Variants in OSBP2 observed in about 807,000 individuals in gnomAD.
OSBP2 encodes the protein oxysterol binding protein 2.
Under a neutral mutation model 96.0 loss-of-function variants are expected in OSBP2, and 66 were observed. The ratio of observed to expected loss-of-function variants is 0.69; its 90% confidence interval spans 0.56 to 0.84. The LOEUF (loss-of-function observed/expected upper bound fraction) is 0.84. OSBP2 is among the 40% of genes least tolerant of loss of function. OSBP2 has a pLI of 0.00. For synonymous variants in OSBP2, 525 were observed against 520.9 expected (o/e 1.01, Z -0.11); for missense variants, 1,038 against 1,222.7 (o/e 0.85, Z 2.25).
At chr22:30,741,087 G>T (rs1209639465) in intron 1 of OSBP2, 74 bp from the exon 2 acceptor site, 4 of 1,181,642 alleles carry the variant, frequency 3.4e-6, no homozygotes, top group African/African-American at 3.0e-5. Context: ...CTGAGGATTT[G>T]CCTGGAGGGT....
intron 4 of OSBP2, 42 bp from the exon 5 acceptor site, chr22:30,888,181 C>T (rs753132023): frequency 2.2e-6 from 3 of 1,358,912 alleles, no homozygotes; most frequent in Non-Finnish European, 3.2e-6. Flanking sequence ...GAGATTGAGC[C>T]TTTTGTGAGG....
chr22:30,761,834 T>C (rs1472052721), intron 2 of OSBP2, among the ~76,000 whole-genome samples: 1 of 152,204 alleles, frequency 6.6e-6, no homozygotes, highest in Non-Finnish European at 1.5e-5. Flanking sequence ...AACAATTTAA[T>C]TGAGAAAGGT....
chr22:30,752,426 G>A (rs1018826923), intron 2 of OSBP2, among the ~76,000 whole-genome samples: 6 of 149,482 alleles, frequency 4.0e-5, no homozygotes, highest in African/African-American at 1.5e-4. Flanking sequence ...AGCTTCCCGA[G>A]TAGCTGGGAC....
chr22:30,708,130 C>A lies in OSBP2; in HGVS notation c.644+12577C>A, dbSNP rs150487842. Among the ~76,000 whole-genome samples, 2,223 of 152,172 alleles carry A rather than the reference C, an allele frequency of 0.015. 192 individuals carry two copies. In the East Asian group the frequency reaches 0.26, roughly 18 times the overall value. On this transcript the variant is annotated intron_variant, in intron 1 of 13. Transcript: ENST00000332585. ...CTCGAACTCCTGACCTCAGGTGATC[C>A]ACCTGCCTCAGCCTCCCAAAATGCT...
At chr22:30,744,522 TAC>T (rs2089975702) in intron 2 of OSBP2, among the ~76,000 whole-genome samples, 1 of 152,108 alleles carries the variant, frequency 6.6e-6, no homozygotes, top group South Asian at 2.1e-4. Context: ...CTAATCCAAG[TAC>T]AATCCCCTCC....
chr22:30,877,566 A>T (rs1408848993), intron 3 of OSBP2, among the ~76,000 whole-genome samples: 2 of 152,180 alleles, frequency 1.3e-5, no homozygotes, highest in African/African-American at 4.8e-5. Context: ...GAGTGTTAGC[A>T]TCCATAAAGT....
intron 2 of OSBP2, among the ~76,000 whole-genome samples, chr22:30,797,755 C>T (rs978316568): frequency 1.3e-5 from 2 of 152,068 alleles, no homozygotes; most frequent in Admixed American, 1.3e-4. Flanking sequence ...CCATGCCTGG[C>T]TAATCTTTGT....
At position 30,870,587 on chromosome 22, in the gene OSBP2, G is replaced by A. The variant is rs202094165; in HGVS notation, c.1012G>A (p.Asp338Asn). Residue 338 changes from aspartate (D) to asparagine (N), a missense_variant, in exon 3 of 14, where the codon GAC becomes AAC. Coordinates refer to ENST00000332585, the MANE Select transcript of OSBP2 (RefSeq NM_030758.4). This position sits in a 1 kb window ranked among gnomAD's most constrained non-coding sequence, Gnocchi z 4.1. ...AALQRSLTEL[D>N]GLKIPSESGE... The stretch of plus-strand genomic sequence containing the variant: ...ACTCCAGCGCTCCCTGACAGAGCTG[G>A]ACGGCCTCAAGATCCCATCTGAGAG... The A allele has an allele frequency of 4.2e-5, 68 of 1,614,020 alleles. No individual in the cohort carries two copies. Among genetic ancestry groups the A allele is most frequent in the Admixed American group, 4.0e-4 (24 of 60,022 alleles).
intron 2 of OSBP2, chr22:30,842,768 C>T (rs1312561625): frequency 6.6e-6 from 1 of 151,216 alleles, no homozygotes; most frequent in African/African-American, 2.4e-5. Flanking sequence ...CAATTCAGTT[C>T]GTTCTTTCTT....
chr22:30,872,249 A>T (rs2039473943), intron 3 of OSBP2: 1 of 456,656 alleles, frequency 2.2e-6, no homozygotes. Flanking sequence ...CCAGGGACAC[A>T]CACAAATGTG....
chr22:30,749,130 CAAAA>C (rs2090042625), intron 2 of OSBP2, among the ~76,000 whole-genome samples: 1 of 152,096 alleles, frequency 6.6e-6, no homozygotes, highest in Non-Finnish European at 1.5e-5. Flanking sequence ...AACAAACAAA[CAAAA>C]AAGAATCGTG....
chr22:30,714,390 A>C (rs2089410701), intron 1 of OSBP2, among the ~76,000 whole-genome samples: 1 of 150,932 alleles, frequency 6.6e-6, no homozygotes. Context: ...TCTCTTCAAC[A>C]CACTGATTTT....
At chr22:30,736,278 A>G (rs1190567861) in intron 1 of OSBP2, among the ~76,000 whole-genome samples, 1 of 152,162 alleles carries the variant, frequency 6.6e-6, no homozygotes. Context: ...TTTTCTTCAC[A>G]GGTTTTGAAT....
intron 2 of OSBP2, among the ~76,000 whole-genome samples, chr22:30,754,402 C>A (rs2045076204): frequency 6.6e-6 from 1 of 152,202 alleles, no homozygotes; most frequent in African/African-American, 2.4e-5. Flanking sequence ...GTCCTGGGGG[C>A]TGAGCCAGAT....
At chr22:30,746,734 C>T (rs563176730) in intron 2 of OSBP2, among the ~76,000 whole-genome samples, 10 of 152,110 alleles carry the variant, frequency 6.6e-5, no homozygotes, top group South Asian at 4.2e-4. Flanking sequence ...TCAGATGATC[C>T]GCCTGCCTTG....
intron 1 of OSBP2, 66 bp from the exon 2 acceptor site, chr22:30,741,095 G>T: frequency 7.9e-7 from 1 of 1,258,360 alleles, no homozygotes; most frequent in Non-Finnish European, 1.1e-6. Context: ...TTGCCTGGAG[G>T]GTTTCTTTAG....
At chr22:30,815,437 C>G (rs1388117313) in intron 2 of OSBP2, among the ~76,000 whole-genome samples, 1 of 152,200 alleles carries the variant, frequency 6.6e-6, no homozygotes, top group Non-Finnish European at 1.5e-5. Flanking sequence ...TTCCTCTGTC[C>G]TCTTGGGAAA....
chr22:30,756,105 G>A (rs1293279486), intron 2 of OSBP2, among the ~76,000 whole-genome samples: 6 of 152,166 alleles, frequency 3.9e-5, no homozygotes, highest in African/African-American at 9.7e-5. Context: ...CCCTGTTCTG[G>A]CCACCACAGC....
rs1030937353 is a variant in OSBP2 at position 30,741,507 on chromosome 22, G to A, written c.853+138G>A. 4 of 652,748 alleles carry A rather than the reference G, an allele frequency of 6.1e-6. No homozygotes were observed. In the South Asian group the frequency reaches 7.7e-5, roughly 13 times the overall value. The allele number at this position is 652,748 out of a possible 1,614,324, so 40.4% of individuals were successfully genotyped here. A position where few individuals can be genotyped will look rare whatever the true frequency, so the allele number is the denominator to read the frequency against. ...GGATCAATCTGGAAGGTCAAGGTGCGTGCATGTTCTGTGCATCGTCAGCAG... is the reference window on the plus strand; with the variant it reads ...GGATCAATCTGGAAGGTCAAGGTGCATGCATGTTCTGTGCATCGTCAGCAG... On this transcript the variant is annotated intron_variant, in intron 2 of 13. Transcript: ENST00000332585.
Sources: allele counts gnomAD v4.1 joint callset (sites outside exome capture counted in the v4.1 genomes callset), GRCh38; gene constraint gnomAD v4.1.1; non-coding constraint Gnocchi (gnomAD v3.1); transcripts MANE v1.5; gene names NCBI Gene and HGNC (gene_info 2026-07-23, HGNC 2026-07-21).